The following NOTUM variants were observed in gnomAD, a reference collection of about 807,000 sequenced individuals.
The protein encoded by NOTUM is palmitoleoyl-protein carboxylesterase NOTUM.
In NOTUM, 36 loss-of-function variants were observed where a neutral mutation model predicts 65.5. That is an observed-to-expected ratio of 0.55 (90% CI 0.42 to 0.73). The LOEUF is 0.73. Among genes scored for constraint, NOTUM ranks in the 30% least tolerant of loss-of-function variants. The pLI, the probability that NOTUM is intolerant of heterozygous loss-of-function variation, is 0.00. For missense variants in NOTUM, 659 were observed against 694.2 expected (o/e 0.95, Z 0.57); for synonymous variants, 356 against 297.9 (o/e 1.20, Z -2.01).
intron 6 of NOTUM, among the ~76,000 whole-genome samples, 199 bp from the exon 7 acceptor site, chr17:81,957,273 G>C (rs1413188906): frequency 6.6e-6 from 1 of 152,186 alleles, no homozygotes; most frequent in African/African-American, 2.4e-5. Flanking sequence ...CAGGCTGGCA[G>C]GCCACATTTC....
rs902915197 is a variant in NOTUM, at chr17:81,960,836, G to C, written c.74C>G (p.Thr25Ser). 3 of 1,515,320 alleles carry C rather than the reference G, an allele frequency of 2.0e-6. No individual in the cohort carries two copies. The highest frequency in any genetic ancestry group is 2.6e-6 in the Non-Finnish European group (3 of 1,134,706). 93.9% of individuals were successfully genotyped at this position (1,515,320 alleles called of 1,614,324 possible). Residue 25 changes from threonine (T) to serine (S), a missense_variant, in exon 1 of 11, where the codon ACC (threonine) becomes AGC (serine). Thr to Ser is a moderately conservative substitution (Grantham distance 58). Transcript: ENST00000409678. The surrounding 1 kb of genome is among the most constrained non-coding windows in gnomAD (Gnocchi z 6.4). ...HCAGGSEGRK[T>S]WRRRGQQPPP... ...CGGCTGCTGACCCCGGCGCCGCCAG[G>C]TCTTCCTGCCCTCGCTGCCCCCGGC...
intron 9 of NOTUM, among the ~76,000 whole-genome samples, 190 bp from the exon 10 acceptor site, chr17:81,954,493 A>G (rs1448218969): frequency 6.6e-6 from 1 of 152,200 alleles, no homozygotes; most frequent in Non-Finnish European, 1.5e-5. Flanking sequence ...TTGTGCCTCA[A>G]ATCCCTGCTC....
Position 81,957,043 on chromosome 17 carries a change from C to A in NOTUM, c.727G>T (p.Asp243Tyr). ...TTCTCCAGCTGCTCAGCCACACGGTCCACATTCAGGAGCACCCCGGTGCCC... is the reference window on the plus strand; with the variant it reads ...TTCTCCAGCTGCTCAGCCACACGGTACACATTCAGGAGCACCCCGGTGCCC... ...AGGTGVLLNV[D>Y]RVAEQLEKLG... The change falls in exon 7 of 11, where the codon GAC becomes TAC. Residue 243 changes from aspartate (D) to tyrosine (Y), a missense_variant. Physicochemically the swap from Asp to Tyr is radical, Grantham distance 160. Coordinates refer to ENST00000409678, the MANE Select transcript of NOTUM (RefSeq NM_178493.6). 1 of 1,608,706 alleles carries A rather than the reference C, an allele frequency of 6.2e-7. No homozygotes were observed. Among genetic ancestry groups the A allele is most frequent in the South Asian group, 1.1e-5 (1 of 91,056 alleles).
intron 3 of NOTUM, 41 bp downstream of exon 3, chr17:81,959,430 G>A (rs1010650119): frequency 6.8e-7 from 1 of 1,460,394 alleles, no homozygotes; most frequent in South Asian, 1.2e-5. Flanking sequence ...CTTCCTCCCG[G>A]GCCTCACGTC....
intron 4 of NOTUM, 110 bp from the exon 5 acceptor site, chr17:81,958,503 C>G (rs969578886): frequency 1.1e-5 from 8 of 741,962 alleles, no homozygotes; most frequent in Non-Finnish European, 1.9e-5. Flanking sequence ...ACAGGATTCC[C>G]CTGGAAGGAC....
rs2041436429 is a variant in NOTUM, at chr17:81,956,750, C to A, written c.888G>T (p.Arg296Ser). The A allele has an allele frequency of 6.2e-7, 1 of 1,611,598 alleles. No individual in the cohort carries two copies. The highest frequency in any genetic ancestry group is 8.5e-7 in the Non-Finnish European group (1 of 1,179,222). ...APTEAIRRGI[R>S]YWNGVVPERC... is the part of the protein sequence containing the mutation. ...GCTCCGGGACCACCCCGTTCCAGTA[C>A]CTGGAGCCACAGCCACAGGTTAGGC... The change falls in exon 8 of 11, where the codon AGG (arginine) becomes AGT (serine). Residue 296 changes from arginine to serine, a missense_variant and splice_region_variant. Coordinates refer to ENST00000409678, the MANE Select transcript of NOTUM (RefSeq NM_178493.6).
Position 81,954,246 on chromosome 17 carries a change from G to A in NOTUM, c.1184+10C>T. 6.2e-7 allele frequency: 1 copy of A among 1,604,356 alleles called. No homozygotes were observed. The highest frequency in any genetic ancestry group is 8.5e-7 in the Non-Finnish European group (1 of 1,171,144). On this transcript the variant is annotated intron_variant, in intron 10 of 10. Coordinates refer to ENST00000409678, the MANE Select transcript of NOTUM (RefSeq NM_178493.6). ...CATGGACGCAAGCTGCCCGGAGCAG[G>A]GACACTGACCTCCGGATGATGATCT...
At position 81,959,672 on chromosome 17, in the gene NOTUM, C is replaced by T; in HGVS notation, c.344G>A (p.Arg115Lys). 1 of 1,542,494 alleles carries T rather than the reference C, an allele frequency of 6.5e-7. No homozygotes were observed. Among genetic ancestry groups the T allele is most frequent in the Non-Finnish European group, 8.7e-7 (1 of 1,144,962 alleles). The stretch of plus-strand genomic sequence containing the variant: ...GAAGAGGAGCCACCGCCGGCTGCCC[C>T]TGGACTCCTTCAGGTAGTAGCTGCG... ...SPAGYYLKES[R>K]GSRRWLLFLE... Residue 115 changes from arginine (R) to lysine (K), a missense_variant, in exon 2 of 11, where the codon AGG (arginine) becomes AAG (lysine). By Grantham distance (26) the Arg-to-Lys change is conservative. Coordinates refer to ENST00000409678, the MANE Select transcript of NOTUM (RefSeq NM_178493.6).
At chr17:81,959,723 GC>G (rs1598369507) in intron 1 of NOTUM, 31 bp from the exon 2 acceptor site, 1 of 1,333,724 alleles carries the variant, frequency 7.5e-7, no homozygotes, top group South Asian at 1.7e-5. Flanking sequence ...CGGGGGGTCG[GC>G]CAGGGCTGCC....
chr17:81,956,173 T>C (rs1036286101), intron 8 of NOTUM, among the ~76,000 whole-genome samples: 2 of 152,234 alleles, frequency 1.3e-5, no homozygotes, highest in Admixed American at 6.5e-5. Context: ...CTCCATGACC[T>C]TGGCCTGGTT....
chr17:81,957,317 C>T (rs553914872), intron 6 of NOTUM, among the ~76,000 whole-genome samples: 1 of 152,322 alleles, frequency 6.6e-6, no homozygotes, highest in East Asian at 1.9e-4. Flanking sequence ...TTCCTCCTCC[C>T]CTTCCTCTCT....
chr17:81,957,674 C>A, intron 6 of NOTUM, 132 bp downstream of exon 6: 2 of 664,232 alleles, frequency 3.0e-6, no homozygotes, highest in Non-Finnish European at 5.4e-6. Context: ...TCTCACCCTC[C>A]TAGCCACCTG....
chr17:81,954,982 C>A (rs556604262), intron 9 of NOTUM, among the ~76,000 whole-genome samples: 115 of 151,454 alleles, frequency 7.6e-4, no homozygotes, highest in South Asian at 4.4e-3. Context: ...CTCTCTCTCT[C>A]TATATATGTA....
rs149415694 is a variant in NOTUM at position 81,952,985 on chromosome 17, C to T, written c.1467G>A (p.Leu489=). The stretch of plus-strand genomic sequence containing the variant: ...CCTAGCTTCCGTTGCTCAGCATCCC[C>T]AGCAGCTCACTGGGCTCCAGTCCCT... ...QPQGLEPSEL[L]GMLSNGS is the part of the protein sequence containing the mutation. The change falls in exon 11 of 11, where the codon CTG becomes CTA. Residue 489 remains leucine (L), a synonymous_variant. Transcript: ENST00000409678. 1.7e-4 allele frequency: 271 copies of T among 1,613,970 alleles called. 1 individual carries two copies. The African/African-American group carries it at 3.2e-3, about 19-fold the overall frequency.
chr17:81,960,176 C>T lies in NOTUM; in HGVS notation c.323+411G>A, dbSNP rs989933918. Among the ~76,000 whole-genome samples the T allele has an allele frequency of 9.2e-5, 14 of 152,046 alleles. No homozygotes were observed. The highest frequency in any genetic ancestry group is 2.9e-5 in the Non-Finnish European group (2 of 67,980). ...GTCCTCGGCCTGTTGAGCGCGTGGG[C>T]GGCCCCGCCGCTCCCCGACCCCCGA... On this transcript the variant is annotated intron_variant, in intron 1 of 10. Transcript: ENST00000409678. The surrounding 1 kb of genome is among the most constrained non-coding windows in gnomAD (Gnocchi z 6.4).
In NOTUM at chr17:81,956,664, T is replaced by G; in HGVS notation, c.974A>C (p.Tyr325Ser). The change falls in exon 8 of 11, where the codon TAC becomes TCC. Residue 325 changes from tyrosine to serine, a missense_variant. By Grantham distance (144) the Tyr-to-Ser change is moderately radical. Transcript: ENST00000409678. ...CGCCCACTCACAGCGCAGGGTCGGG[T>G]AGACCTTGTAGCCAAAGAAGCAGTT... The part of the protein sequence containing the change: ...EWNCFFGYKV[Y>S]PTLRCPVFVV... 6.2e-7 allele frequency: 1 copy of G among 1,611,744 alleles called. No homozygotes were observed. The highest frequency in any genetic ancestry group is 8.5e-7 in the Non-Finnish European group (1 of 1,178,882).
In NOTUM at chr17:81,961,051, C is replaced by T. The variant is rs1244499553; in HGVS notation, c.-142G>A. The stretch of plus-strand genomic sequence containing the variant: ...TCGCCCCCGCTCCCGCCCGCCGGGC[C>T]TGGCGGAGAAGGCGCGCGCGGCTCG... On this transcript the variant is annotated 5_prime_UTR_variant, in exon 1 of 11. Transcript: ENST00000409678. 3.7e-6 allele frequency: 1 copy of T among 269,200 alleles called. No homozygotes were observed. Among genetic ancestry groups the T allele is most frequent in the African/African-American group, 2.3e-5 (1 of 43,386 alleles). The allele number at this position is 269,200 out of a possible 1,614,324, so 16.7% of individuals were successfully genotyped here.
intron 9 of NOTUM, among the ~76,000 whole-genome samples, 170 bp downstream of exon 9, chr17:81,955,227 T>G (rs1010394003): frequency 6.6e-6 from 1 of 152,184 alleles, no homozygotes; most frequent in Admixed American, 6.5e-5. Flanking sequence ...GTGATCCACC[T>G]GCATGGGCCT....
intron 8 of NOTUM, 48 bp downstream of exon 8, chr17:81,956,602 T>C (rs2143943431): frequency 3.9e-6 from 5 of 1,290,144 alleles, no homozygotes; most frequent in Non-Finnish European, 5.6e-6. Context: ...AGCAAGGAAG[T>C]GTGGCCACCC....
Sources: allele counts gnomAD v4.1 joint callset (sites outside exome capture counted in the v4.1 genomes callset), GRCh38; gene constraint gnomAD v4.1.1; non-coding constraint Gnocchi (gnomAD v3.1); transcripts MANE v1.5; gene names NCBI Gene and HGNC (gene_info 2026-07-23, HGNC 2026-07-21).